RUNX2: variants seen among roughly 807,000 people sequenced by gnomAD.
RUNX2 encodes the protein runt-related transcription factor 2.
In RUNX2, 10 loss-of-function variants were observed where a neutral mutation model predicts 51.7. That is an observed-to-expected ratio of 0.19 (90% CI 0.12 to 0.33). RUNX2 has a LOEUF of 0.33. Among genes scored for constraint, RUNX2 ranks in the 10% least tolerant of loss-of-function variants. The pLI is 1.00. For missense variants in RUNX2, 562 were observed against 691.3 expected, an observed-to-expected ratio of 0.81 and a Z score of 2.10; for synonymous variants, 276 against 273.6, an observed-to-expected ratio of 1.01 and a Z score of -0.09.
chr6:45,435,800 G>T (rs1339829856), intron 4 of RUNX2, among the ~76,000 whole-genome samples: 1 of 152,128 alleles, frequency 6.6e-6, no homozygotes, highest in Non-Finnish European at 1.5e-5. Flanking sequence ...GGCAATCCTG[G>T]GCCCATAGAC....
chr6:45,417,077 G>GA (rs1236374093), intron 2 of RUNX2, among the ~76,000 whole-genome samples: 1 of 152,132 alleles, frequency 6.6e-6, no homozygotes, highest in Admixed American at 6.5e-5. Context: ...AGTTAAAATG[G>GA]AAAAAATATG....
In RUNX2 at chr6:45,424,145, C is replaced by A. The variant is rs3805813; in HGVS notation, c.423+1188C>A. Among the ~76,000 whole-genome samples, 91 of 152,320 alleles carry A rather than the reference C, an allele frequency of 6.0e-4. No homozygotes were observed. The East Asian group carries it at 0.016, about 26-fold the overall frequency. On this transcript the variant is annotated intron_variant, in intron 3 of 8. Transcript: ENST00000647337. ...CGCAGACTCTTGTGCCTGCCCGGCC[C>A]GTTAGTTTGAGGGCGGGTGGCAGCC...
chr6:45,388,458 G>C (rs890013924), intron 2 of RUNX2, among the ~76,000 whole-genome samples: 4 of 152,188 alleles, frequency 2.6e-5, no homozygotes, highest in Non-Finnish European at 5.9e-5. Flanking sequence ...CGTTAGAAAT[G>C]AATATTTGGG....
At chr6:45,469,654 A>G (rs545771199) in intron 5 of RUNX2, among the ~76,000 whole-genome samples, 167 of 152,340 alleles carry the variant, frequency 1.1e-3, no homozygotes, top group African/African-American at 3.9e-3. Flanking sequence ...TGTGAAGTCA[A>G]TTGGGATGCC....
At chr6:45,335,481 T>G (rs1401456571) in intron 2 of RUNX2, among the ~76,000 whole-genome samples, 1 of 151,298 alleles carries the variant, frequency 6.6e-6, no homozygotes, top group Non-Finnish European at 1.5e-5. Flanking sequence ...AATTTTATTA[T>G]AAGATACTTT....
Position 45,545,209 on chromosome 6 carries a change from T to C in RUNX2, c.1022-8T>C. On this transcript the variant is annotated splice_region_variant and splice_polypyrimidine_tract_variant and intron_variant, in intron 7 of 8. Transcript: ENST00000647337. The stretch of plus-strand genomic sequence containing the variant: ...GGGAACTTAGAGCTCATCCCCCTCA[T>C]TTTACAGATGATGACACTGCCACCT... 1 of 1,545,426 alleles carries C rather than the reference T, an allele frequency of 6.5e-7. No homozygotes were observed.
chr6:45,353,108 C>CCA (rs1338649614), intron 2 of RUNX2, among the ~76,000 whole-genome samples: 2 of 152,026 alleles, frequency 1.3e-5, no homozygotes, highest in Non-Finnish European at 2.9e-5. Flanking sequence ...CTGTTTCTCT[C>CCA]CAGTGTTGTT....
chr6:45,524,983 C>T (rs554426903), intron 7 of RUNX2, among the ~76,000 whole-genome samples: 17 of 152,228 alleles, frequency 1.1e-4, no homozygotes, highest in South Asian at 2.1e-4. Context: ...TGGTGGCGCA[C>T]GCCTGTAGTC....
chr6:45,448,537 A>G (rs555706339), intron 5 of RUNX2, among the ~76,000 whole-genome samples: 1 of 152,244 alleles, frequency 6.6e-6, no homozygotes, highest in African/African-American at 2.4e-5. Flanking sequence ...GGCAAGGTGG[A>G]TGGGGTGACT....
chr6:45,407,755 C>T (rs149598758), intron 2 of RUNX2, among the ~76,000 whole-genome samples: 1 of 152,040 alleles, frequency 6.6e-6, no homozygotes, highest in Non-Finnish European at 1.5e-5. Context: ...CTGCCATGGC[C>T]TCCCAAAATA....
At chr6:45,426,318 G>T (rs1349268160) in intron 3 of RUNX2, among the ~76,000 whole-genome samples, 1 of 152,286 alleles carries the variant, frequency 6.6e-6, no homozygotes, top group Admixed American at 6.5e-5. Flanking sequence ...CCTTAAAATA[G>T]TTAGGGCATA....
chr6:45,390,461 C>T (rs972132960), intron 2 of RUNX2, among the ~76,000 whole-genome samples: 1 of 152,108 alleles, frequency 6.6e-6, no homozygotes, highest in Non-Finnish European at 1.5e-5. Flanking sequence ...ATAAAAGGAT[C>T]GTTTGCTTTA....
intron 2 of RUNX2, among the ~76,000 whole-genome samples, chr6:45,357,861 TAC>T (rs537405431): frequency 4.0e-4 from 61 of 152,164 alleles, no homozygotes; most frequent in Non-Finnish European, 7.8e-4. Flanking sequence ...CATTCAGAGC[TAC>T]AGTCATAGGA....
In RUNX2 at chr6:45,458,022, A is replaced by AT. The variant is rs67652614; in HGVS notation, c.685+19987dup. On this transcript the variant is annotated intron_variant, in intron 5 of 8. Coordinates refer to ENST00000647337, the MANE Select transcript of RUNX2 (RefSeq NM_001024630.4). ...ATGCAATGATAAATTCTGGGATAGG[A>AT]TTTTTTTTTTTTTTTTGACAGAGTT... Among the ~76,000 whole-genome samples the AT allele has an allele frequency of 4.7e-3, 645 of 137,682 alleles. 9 individuals are homozygous for AT. The highest frequency in any genetic ancestry group is 0.015 in the East Asian group (71 of 4,852). 90.3% of individuals were successfully genotyped at this position (137,682 alleles called of 152,430 possible).
At chr6:45,536,007 G>A (rs1404221505) in intron 7 of RUNX2, among the ~76,000 whole-genome samples, 8 of 151,942 alleles carry the variant, frequency 5.3e-5, no homozygotes, top group African/African-American at 1.7e-4. Context: ...ACACACACCT[G>A]AGCGAAAAAG....
intron 5 of RUNX2, among the ~76,000 whole-genome samples, chr6:45,452,291 A>C (rs1242310315): frequency 6.6e-6 from 1 of 152,232 alleles, no homozygotes; most frequent in African/African-American, 2.4e-5. Context: ...GTCACAGGGA[A>C]GGAAACAGAG....
At chr6:45,438,129 G>A (rs1462294835) in intron 5 of RUNX2, 78 bp downstream of exon 5, 2 of 931,156 alleles carry the variant, frequency 2.1e-6, no homozygotes, top group African/African-American at 3.2e-5. Flanking sequence ...AAATGAGTTA[G>A]TGTCACTTTC....
chr6:45,378,731 C>A (rs1248697736), intron 2 of RUNX2, among the ~76,000 whole-genome samples: 1 of 151,982 alleles, frequency 6.6e-6, no homozygotes, highest in African/African-American at 2.4e-5. Context: ...CTTGCACCCC[C>A]AGTATTGTAC....
chr6:45,495,299 G>A (rs1005961895), intron 6 of RUNX2, among the ~76,000 whole-genome samples: 1 of 152,190 alleles, frequency 6.6e-6, no homozygotes, highest in African/African-American at 2.4e-5. Flanking sequence ...AGAAGCAATC[G>A]GTGCAATAAG....
Sources: gnomAD v4.1 joint callset for allele counts (sites outside exome capture counted in the v4.1 genomes callset) on GRCh38, gnomAD v4.1.1 for gene constraint, MANE v1.5 for transcripts, NCBI Gene and HGNC (gene_info 2026-07-23, HGNC 2026-07-21) for gene names.